The following SV2C variants were observed in gnomAD, a reference collection of about 807,000 sequenced individuals.
SV2C encodes the protein synaptic vesicle glycoprotein 2C.
In SV2C, 49 loss-of-function variants were observed where a neutral mutation model predicts 79.7. That is an observed-to-expected ratio of 0.61 (90% CI 0.49 to 0.78). The LOEUF (loss-of-function observed/expected upper bound fraction) is 0.78, where lower values mean the gene tolerates loss of function less well. Ranked by LOEUF, SV2C falls within the 30% of genes least tolerant of loss-of-function variation. SV2C has a pLI of 0.00. For synonymous variants in SV2C, 334 were observed against 333.2 expected (o/e 1.00, Z -0.03); for missense variants, 833 against 912.9 (o/e 0.91, Z 1.13).
the SV2C span, among the ~76,000 whole-genome samples, chr5:75,851,644 C>CTT: frequency 4.8e-5 from 7 of 146,556 alleles, no homozygotes; most frequent in African/African-American, 9.9e-5. Context: ...AACATTGGAT[C>CTT]TTTTTTTTTT....
intron 4 of SV2C, among the ~76,000 whole-genome samples, chr5:76,277,022 G>A (rs1026354667): frequency 2.6e-5 from 4 of 152,062 alleles, no homozygotes; most frequent in African/African-American, 7.2e-5. Flanking sequence ...TAGGCATTAG[G>A]GAAACACAAA....
At chr5:76,295,986 A>AACTT in intron 9 of SV2C, 44 bp downstream of exon 9, 1 of 1,516,960 alleles carries the variant, frequency 6.6e-7, no homozygotes, top group Non-Finnish European at 8.8e-7. Flanking sequence ...TATTCACAAA[A>AACTT]ACTTATTTCT....
intron 4 of SV2C, among the ~76,000 whole-genome samples, chr5:76,218,780 C>T (rs975119585): frequency 8.5e-5 from 13 of 152,280 alleles, no homozygotes; most frequent in Non-Finnish European, 1.6e-4. Context: ...TAAAATAATA[C>T]AATTGCTGTA....
chr5:76,110,512 C>T (rs566181425), intron 1 of SV2C, among the ~76,000 whole-genome samples: 1 of 152,228 alleles, frequency 6.6e-6, no homozygotes, highest in African/African-American at 2.4e-5. Flanking sequence ...TCTAATTCAG[C>T]AGACCCTCGG....
At chr5:75,973,336 TAAAAA>T in the SV2C span, among the ~76,000 whole-genome samples, 1 of 150,090 alleles carries the variant, frequency 6.7e-6, no homozygotes, top group Admixed American at 6.6e-5. Flanking sequence ...AATAATAAAA[TAAAAA>T]AAAATTAGCC....
chr5:76,045,965 T>C, the SV2C span, among the ~76,000 whole-genome samples: 164 of 152,322 alleles, frequency 1.1e-3, no homozygotes, highest in African/African-American at 3.9e-3. Flanking sequence ...AGAGCATCTA[T>C]AATGTTGCAG....
the SV2C span, among the ~76,000 whole-genome samples, chr5:75,876,508 T>C: frequency 0.061 from 9,258 of 152,060 alleles, 342 homozygotes; most frequent in Admixed American, 0.084. Context: ...ATATGTATAA[T>C]AAATTCCTGT....
intron 3 of SV2C, among the ~76,000 whole-genome samples, chr5:76,207,681 G>C (rs1744647452): frequency 6.6e-6 from 1 of 152,256 alleles, no homozygotes; most frequent in Non-Finnish European, 1.5e-5. Flanking sequence ...TGTCACCCAG[G>C]CTGGAGTGCA....
At chr5:76,187,933 G>A (rs894181867) in intron 2 of SV2C, among the ~76,000 whole-genome samples, 10 of 151,414 alleles carry the variant, frequency 6.6e-5, no homozygotes, top group Admixed American at 1.3e-4. Context: ...TTATTTCTCC[G>A]CTTTTCTCTT....
At position 76,325,523 on chromosome 5, in the gene SV2C, C is replaced by T; in HGVS notation, c.2160C>T (p.Asp720=). 3 of 1,614,106 alleles carry T rather than the reference C, an allele frequency of 1.9e-6. No homozygotes were observed. The highest frequency in any genetic ancestry group is 2.5e-6 in the Non-Finnish European group (3 of 1,180,014). Residue 720 remains aspartate (D), a synonymous_variant, in exon 13 of 13, where the codon GAC becomes GAT. Coordinates refer to ENST00000502798, the MANE Select transcript of SV2C (RefSeq NM_014979.4). ...GACTCGTTGGGCTGTGCCTGCCTGA[C>T]ACACGAACCCAGGTTCTGATGTAAT... The part of the protein sequence containing the change: ...CGGLVGLCLP[D]TRTQVLM
At chr5:75,985,141 G>A in the SV2C span, among the ~76,000 whole-genome samples, 2 of 151,916 alleles carry the variant, frequency 1.3e-5, no homozygotes, top group Non-Finnish European at 2.9e-5. Flanking sequence ...GAGCAGCTAT[G>A]TGCAAAAAGA....
intron 1 of SV2C, among the ~76,000 whole-genome samples, chr5:76,085,536 T>A (rs984585529): frequency 8.6e-5 from 13 of 150,720 alleles, no homozygotes; most frequent in African/African-American, 2.4e-4. Flanking sequence ...GGGGACGGGG[T>A]TGGGAAAAAA....
chr5:76,236,437 C>T (rs747867494), intron 4 of SV2C, among the ~76,000 whole-genome samples: 1 of 152,030 alleles, frequency 6.6e-6, no homozygotes, highest in African/African-American at 2.4e-5. Flanking sequence ...TGGCAGGTGC[C>T]TATAATCCCA....
chr5:76,316,880 T>C (rs1174737488), intron 12 of SV2C, among the ~76,000 whole-genome samples: 1 of 152,136 alleles, frequency 6.6e-6, no homozygotes, highest in Non-Finnish European at 1.5e-5. Context: ...TAATACTTTG[T>C]GGGTATCTTC....
intron 4 of SV2C, among the ~76,000 whole-genome samples, chr5:76,265,517 G>T (rs910481566): frequency 2.6e-5 from 4 of 152,152 alleles, no homozygotes; most frequent in African/African-American, 9.7e-5. Context: ...AAAAACAAAA[G>T]CAAAAACAAA....
At chr5:75,966,126 G>C in the SV2C span, among the ~76,000 whole-genome samples, 1 of 152,176 alleles carries the variant, frequency 6.6e-6, no homozygotes, top group African/African-American at 2.4e-5. Flanking sequence ...GTGGAGGAAA[G>C]TATAGTGAAA....
chr5:76,121,312 A>G (rs189397319), intron 1 of SV2C, among the ~76,000 whole-genome samples: 3,419 of 151,954 alleles, frequency 0.023, 147 homozygotes, highest in African/African-American at 0.079. Flanking sequence ...CTCCCATCCC[A>G]TAGGTTGCCT....
At chr5:75,887,621 CTCAT>C in the SV2C span, among the ~76,000 whole-genome samples, 1 of 152,106 alleles carries the variant, frequency 6.6e-6, no homozygotes, top group Non-Finnish European at 1.5e-5. Flanking sequence ...CTGCTTCTTG[CTCAT>C]TCAGTCAAAT....
At chr5:76,286,526 T>C (rs977131765) in intron 6 of SV2C, among the ~76,000 whole-genome samples, 1 of 151,878 alleles carries the variant, frequency 6.6e-6, no homozygotes, top group African/African-American at 2.4e-5. Context: ...AATTATTTAT[T>C]GAAAACAAAA....
Sources: allele counts gnomAD v4.1 joint callset (sites outside exome capture counted in the v4.1 genomes callset), GRCh38; gene constraint gnomAD v4.1.1; transcripts MANE v1.5; gene names NCBI Gene and HGNC (gene_info 2026-07-23, HGNC 2026-07-21).